DRC4: variants seen among roughly 807,000 people sequenced by gnomAD.
DRC4 encodes dynein regulatory complex subunit 4.
At chr16:90,033,452 C>CAA in the DRC4 span, among the ~76,000 whole-genome samples, 2 of 152,124 alleles carry the variant, frequency 1.3e-5, no homozygotes, top group Non-Finnish European at 2.9e-5. Context: ...TGGTTGAGGC[C>CAA]AATAGTTTGA....
the DRC4 span, among the ~76,000 whole-genome samples, chr16:90,023,961 C>T: frequency 6.8e-6 from 1 of 147,822 alleles, no homozygotes; most frequent in Non-Finnish European, 1.5e-5. Context: ...CACCGCACTC[C>T]AGCCTGGCAA....
the DRC4 span, among the ~76,000 whole-genome samples, chr16:90,024,902 T>G: frequency 6.6e-6 from 1 of 152,130 alleles, no homozygotes; most frequent in African/African-American, 2.4e-5. Flanking sequence ...TTCTGTTAGG[T>G]TGTGGGAATA....
At chr16:90,034,342 G>A in the DRC4 span, among the ~76,000 whole-genome samples, 1 of 152,156 alleles carries the variant, frequency 6.6e-6, no homozygotes. Flanking sequence ...TATGGCTTTA[G>A]GCCGGGTGCG....
chr16:90,042,707 G>C, the DRC4 span, among the ~76,000 whole-genome samples: 1 of 152,178 alleles, frequency 6.6e-6, no homozygotes, highest in Admixed American at 6.5e-5. Context: ...TCTGGATTCT[G>C]TGTGGTCTGG....
At chr16:90,037,203 C>A in the DRC4 span, 2 of 1,573,798 alleles carry the variant, frequency 1.3e-6, no homozygotes, top group South Asian at 1.2e-5. Context: ...CCTGCTGAGC[C>A]CCTGCCGGGC....
At chr16:90,034,652 A>T in the DRC4 span, among the ~76,000 whole-genome samples, 1 of 152,010 alleles carries the variant, frequency 6.6e-6, no homozygotes, top group East Asian at 1.9e-4. Context: ...CTTTAAAAAT[A>T]ATTTATTTTT....
the DRC4 span, among the ~76,000 whole-genome samples, chr16:90,035,182 C>T: frequency 7.2e-5 from 11 of 152,220 alleles, no homozygotes; most frequent in South Asian, 2.1e-4. Flanking sequence ...GGATTACAGG[C>T]GTGAGCCACT....
At chr16:90,029,860 C>T in the DRC4 span, 2 of 162,674 alleles carry the variant, frequency 1.2e-5, no homozygotes, top group African/African-American at 4.8e-5. Context: ...GGGTTCACAC[C>T]ATCCTGCTGC....
chr16:90,029,256 C>A, the DRC4 span: 1 of 1,343,842 alleles, frequency 7.4e-7, no homozygotes, highest in South Asian at 1.2e-5. Context: ...GAGCCACAGA[C>A]TCAGAAGGCT....
the DRC4 span, chr16:90,019,700 C>T: frequency 1.7e-6 from 1 of 572,918 alleles, no homozygotes; most frequent in Non-Finnish European, 3.0e-6. The surrounding 1 kb of genome is among the most constrained non-coding windows in gnomAD (Gnocchi z 6.1). Flanking sequence ...CGACCCCGGC[C>T]GGGCGTCCGG....
the DRC4 span, chr16:90,044,923 A>G: frequency 8.8e-5 from 18 of 205,414 alleles, no homozygotes; most frequent in Non-Finnish European, 1.7e-4. Flanking sequence ...ATGCATAAGT[A>G]TATTTGTTTA....
At chr16:90,043,393 C>G in the DRC4 span, 3 of 1,541,442 alleles carry the variant, frequency 1.9e-6, no homozygotes, top group African/African-American at 1.4e-5. Context: ...TAGGAACACT[C>G]GGGATGACAC....
the DRC4 span, chr16:90,031,246 G>C: frequency 1.2e-6 from 2 of 1,606,770 alleles, no homozygotes; most frequent in East Asian, 2.2e-5. Context: ...ACGCCCCGTT[G>C]CCGTGCATGG....
chr16:90,032,889 C>T, the DRC4 span: 42 of 1,613,816 alleles, frequency 2.6e-5, 1 homozygote, highest in South Asian at 4.4e-4. Flanking sequence ...GGAGCAGGAG[C>T]TGGCCAGTGA....
At chr16:90,044,069 C>T in the DRC4 span, 1 of 442,902 alleles carries the variant, frequency 2.3e-6, no homozygotes, top group Non-Finnish European at 4.5e-6. Context: ...TGAGAGAATT[C>T]AGCAGCCCAG....
the DRC4 span, chr16:90,042,752 G>A: frequency 1.2e-5 from 7 of 573,960 alleles, no homozygotes; most frequent in African/African-American, 3.7e-5. Flanking sequence ...TGTCTCTGCT[G>A]GGATGGGTGT....
At chr16:90,043,957 C>T in the DRC4 span, 1 of 417,102 alleles carries the variant, frequency 2.4e-6, no homozygotes, top group Non-Finnish European at 5.0e-6. Flanking sequence ...GCACGTGGAA[C>T]TTCTGGGCCT....
the DRC4 span, among the ~76,000 whole-genome samples, chr16:90,034,490 C>T: frequency 2.6e-5 from 4 of 151,952 alleles, no homozygotes; most frequent in African/African-American, 9.7e-5. Context: ...GGCGTGGTGG[C>T]GCACACCTAT....
chr16:90,036,800 C>G, the DRC4 span: 1 of 685,560 alleles, frequency 1.5e-6, no homozygotes, highest in East Asian at 2.7e-5. Flanking sequence ...GGATATTGCC[C>G]TCACCGTAGT....
Sources: gnomAD v4.1 joint callset for allele counts (sites outside exome capture counted in the v4.1 genomes callset) on GRCh38, gnomAD v4.1.1 for gene constraint, Gnocchi (gnomAD v3.1) non-coding constraint, MANE v1.5 for transcripts, NCBI Gene and HGNC (gene_info 2026-07-23, HGNC 2026-07-21) for gene names.